Variants in SIPA1L3 observed in about 807,000 individuals in gnomAD.
SIPA1L3 encodes signal-induced proliferation-associated 1-like protein 3.
A neutral mutation model predicts 150.1 loss-of-function variants in SIPA1L3; 59 were observed. That is an observed-to-expected ratio of 0.39 (90% confidence interval 0.32 to 0.49). The LOEUF is 0.49. Among genes scored for constraint, SIPA1L3 ranks in the 20% least tolerant of loss-of-function variants. SIPA1L3 has a pLI of 0.86. For synonymous variants in SIPA1L3, 1,070 were observed against 1,077.6 expected, an observed-to-expected ratio of 0.99 and a Z score of 0.14; for missense variants, 2,211 against 2,489.5, an observed-to-expected ratio of 0.89 and a Z score of 2.38.
At chr19:38,152,758 A>G (rs1971854549) in intron 12 of SIPA1L3, 82 bp from the exon 13 acceptor site, 1 of 1,481,156 alleles carries the variant, frequency 6.8e-7, no homozygotes, top group African/African-American at 1.4e-5. Flanking sequence ...CCCACTGGCG[A>G]GCAAGGCTCA....
At chr19:38,141,599 T>C (rs958429342) in intron 11 of SIPA1L3, among the ~76,000 whole-genome samples, 164 bp downstream of exon 11, 4 of 152,266 alleles carry the variant, frequency 2.6e-5, no homozygotes, top group Non-Finnish European at 5.9e-5. Flanking sequence ...CCCTCCTTCG[T>C]TTCAGCTTTC....
intron 2 of SIPA1L3, among the ~76,000 whole-genome samples, chr19:38,037,468 G>A (rs997903452): frequency 1.3e-5 from 2 of 152,236 alleles, no homozygotes; most frequent in East Asian, 3.9e-4. Context: ...AGAGCTGGGA[G>A]AGGTAGGTGG....
chr19:38,079,743 A>G (rs1969934751), intron 2 of SIPA1L3, among the ~76,000 whole-genome samples: 2 of 151,882 alleles, frequency 1.3e-5, no homozygotes, highest in African/African-American at 4.8e-5. Context: ...TTTAGTAGAG[A>G]TGGGGTTTTG....
intron 2 of SIPA1L3, among the ~76,000 whole-genome samples, chr19:38,066,134 T>C (rs1969583564): frequency 6.6e-6 from 1 of 151,808 alleles, no homozygotes; most frequent in Non-Finnish European, 1.5e-5. Flanking sequence ...CGCCTCAGCC[T>C]CTTGAGTAGC....
intron 1 of SIPA1L3, among the ~76,000 whole-genome samples, chr19:37,916,570 C>T (rs76325450): frequency 1.3e-3 from 190 of 151,692 alleles, no homozygotes; most frequent in African/African-American, 4.4e-3. Context: ...CATTTCTTCA[C>T]CTACCCTGTG....
intron 1 of SIPA1L3, among the ~76,000 whole-genome samples, chr19:38,018,890 A>G (rs572334217): frequency 2.6e-5 from 4 of 152,282 alleles, no homozygotes; most frequent in Non-Finnish European, 4.4e-5. Context: ...AGAGTGAGGT[A>G]GTGCCCATTA....
intron 1 of SIPA1L3, among the ~76,000 whole-genome samples, chr19:38,026,393 C>T (rs1355480854): frequency 1.3e-5 from 2 of 152,136 alleles, no homozygotes; most frequent in Non-Finnish European, 2.9e-5. Flanking sequence ...CACCCCGGGC[C>T]ATCTCTGAAG....
At chr19:38,083,857 G>A (rs964797110) in intron 3 of SIPA1L3, among the ~76,000 whole-genome samples, 1 of 152,038 alleles carries the variant, frequency 6.6e-6, no homozygotes, top group Admixed American at 6.6e-5. Context: ...GCCAGGCATG[G>A]TGACATGTGG....
chr19:38,014,887 T>G (rs2145687754), intron 1 of SIPA1L3, among the ~76,000 whole-genome samples: 1 of 152,178 alleles, frequency 6.6e-6, no homozygotes, highest in South Asian at 2.1e-4. Context: ...GCCAGGATGG[T>G]CTCGATCTCC....
intron 13 of SIPA1L3, among the ~76,000 whole-genome samples, chr19:38,154,801 G>T (rs746838614): frequency 3.2e-4 from 42 of 131,268 alleles, no homozygotes; most frequent in Non-Finnish European, 5.9e-4. Context: ...TTACTCTGTT[G>T]CCCAAGCTGG....
chr19:38,131,289 G>T (rs1971300586), intron 10 of SIPA1L3, among the ~76,000 whole-genome samples: 1 of 152,170 alleles, frequency 6.6e-6, no homozygotes, highest in South Asian at 2.1e-4. Context: ...GTAATGAAGG[G>T]GCTGCAGCAC....
At chr19:38,056,399 T>C (rs752137333) in intron 2 of SIPA1L3, among the ~76,000 whole-genome samples, 25 of 152,014 alleles carry the variant, frequency 1.6e-4, no homozygotes, top group Non-Finnish European at 3.2e-4. Context: ...TTTTCCTCCA[T>C]CCCCCTCACC....
chr19:37,964,282 G>A (rs2046883719), intron 1 of SIPA1L3: 1 of 152,022 alleles, frequency 6.6e-6, no homozygotes, highest in African/African-American at 2.4e-5. Context: ...GCATGCCTGT[G>A]GTCTGAGGCT....
intron 10 of SIPA1L3, among the ~76,000 whole-genome samples, chr19:38,132,271 T>C (rs377095370): frequency 6.6e-6 from 1 of 150,486 alleles, no homozygotes; most frequent in Non-Finnish European, 1.5e-5. Flanking sequence ...ATCAGAATTC[T>C]CCTATTGGCC....
chr19:38,128,397 A>T (rs911206334), intron 9 of SIPA1L3, among the ~76,000 whole-genome samples: 1 of 152,110 alleles, frequency 6.6e-6, no homozygotes, highest in Non-Finnish European at 1.5e-5. Context: ...TCAGGAACCA[A>T]ACAGATTCAG....
intron 1 of SIPA1L3, among the ~76,000 whole-genome samples, chr19:37,915,367 G>GTT (rs892494952): frequency 6.6e-6 from 1 of 150,810 alleles, no homozygotes; most frequent in South Asian, 2.1e-4. Flanking sequence ...TGGAAAAGGT[G>GTT]TTTTTTTTTG....
At chr19:37,944,690 C>G (rs1167371020) in intron 1 of SIPA1L3, among the ~76,000 whole-genome samples, 2 of 152,180 alleles carry the variant, frequency 1.3e-5, no homozygotes, top group Non-Finnish European at 2.9e-5. Flanking sequence ...TGCATTCACA[C>G]CTGTCATCCC....
At chr19:38,142,787 C>T in intron 12 of SIPA1L3, 77 bp downstream of exon 12, 1 of 1,497,964 alleles carries the variant, frequency 6.7e-7, no homozygotes, top group Non-Finnish European at 9.1e-7. Context: ...CAAATGCACA[C>T]CCCCACAATT....
intron 2 of SIPA1L3, among the ~76,000 whole-genome samples, chr19:38,031,883 G>A (rs969540976): frequency 3.3e-5 from 5 of 152,216 alleles, no homozygotes; most frequent in African/African-American, 1.2e-4. Context: ...CCAGGATGCG[G>A]AGATTGCAGT....
Sources: allele counts gnomAD v4.1 joint callset (sites outside exome capture counted in the v4.1 genomes callset), GRCh38; gene constraint gnomAD v4.1.1; transcripts MANE v1.5; gene names NCBI Gene and HGNC (gene_info 2026-07-23, HGNC 2026-07-21).